AGPAT3: variants seen among roughly 807,000 people sequenced by gnomAD.
AGPAT3 encodes 1-acyl-sn-glycerol-3-phosphate acyltransferase gamma.
A neutral mutation model predicts 47.3 loss-of-function variants in AGPAT3; 5 were observed. The ratio of observed to expected loss-of-function variants is 0.11; its 90% CI spans 0.06 to 0.22. AGPAT3 has a LOEUF of 0.22. Ranked by LOEUF, AGPAT3 falls within the 10% of genes least tolerant of loss-of-function variation. The probability of loss-of-function intolerance (pLI) is 1.00; values close to 1 mark genes in which losing one functional copy is unlikely to be tolerated. For missense variants in AGPAT3, 315 were observed against 493.0 expected (o/e 0.64, Z 3.42); for synonymous variants, 212 against 208.3 (o/e 1.02, Z -0.15).
chr21:43,975,519 G>A (rs1320686867), intron 7 of AGPAT3, among the ~76,000 whole-genome samples: 1 of 152,146 alleles, frequency 6.6e-6, no homozygotes, highest in Admixed American at 6.5e-5. Flanking sequence ...CAAAGCTTTG[G>A]GTTCCTCAGT....
chr21:43,972,195 C>A (rs1215340420), intron 7 of AGPAT3, among the ~76,000 whole-genome samples: 1 of 152,034 alleles, frequency 6.6e-6, no homozygotes, highest in Non-Finnish European at 1.5e-5. Context: ...CCCAGGCTGG[C>A]ATGCAGTGGC....
intron 1 of AGPAT3, among the ~76,000 whole-genome samples, chr21:43,887,821 CTT>C (rs1388156828): frequency 2.0e-5 from 3 of 152,054 alleles, no homozygotes; most frequent in African/African-American, 7.2e-5. Context: ...CACCCACTGA[CTT>C]TTGTATTTTT....
rs539553469 is a variant in AGPAT3, at chr21:43,982,192, G to A, written c.1043-112G>A. 37 of 763,838 alleles carry A rather than the reference G, an allele frequency of 4.8e-5. No homozygotes were observed. The East Asian group carries it at 5.8e-4, about 12-fold the overall frequency. 47.3% of individuals were successfully genotyped at this position (763,838 alleles called of 1,614,324 possible). A position where few individuals can be genotyped will look rare whatever the true frequency, so the allele number is the denominator to read the frequency against. ...ACTGACAGCAGAGGCCACTGGGTGC[G>A]GGGCAGAGGGACAGGGTCTGGGGCA... On this transcript the variant is annotated intron_variant, in intron 9 of 9. Transcript: ENST00000291572. This position sits in a 1 kb window ranked among gnomAD's most constrained non-coding sequence, Gnocchi z 6.2.
At position 43,930,825 on chromosome 21, in the gene AGPAT3, G is replaced by A. The variant is rs1027274330; in HGVS notation, c.-49+26806G>A. On this transcript the variant is annotated intron_variant, in intron 2 of 9. Transcript: ENST00000291572. The surrounding 1 kb of genome is among the most constrained non-coding windows in gnomAD (Gnocchi z 5.0). ...GTGGCCCACGGCAGGCCAGTGTGCGGTCCTCAAGCTGCTGGTGACAAACGC... is the reference window on the plus strand; with the variant it reads ...GTGGCCCACGGCAGGCCAGTGTGCGATCCTCAAGCTGCTGGTGACAAACGC... 6.6e-6 allele frequency among the ~76,000 whole-genome samples: 1 copy of A among 152,150 alleles called. No homozygotes were observed. The highest frequency in any genetic ancestry group is 6.5e-5 in the Admixed American group (1 of 15,284).
At position 43,934,541 on chromosome 21, in the gene AGPAT3, C is replaced by A. The variant is rs2146305809; in HGVS notation, c.-48-25093C>A. Reference sequence around the variant, plus strand: ...CGGGAAAGGACCTGGAAGAAAAGAACTGTTTCCTTTAGGCCCCGTGGGGTA... The same window carrying A: ...CGGGAAAGGACCTGGAAGAAAAGAAATGTTTCCTTTAGGCCCCGTGGGGTA... On this transcript the variant is annotated intron_variant, in intron 2 of 9. Transcript: ENST00000291572. The surrounding 1 kb of genome is among the most constrained non-coding windows in gnomAD (Gnocchi z 4.7). Among the ~76,000 whole-genome samples the A allele has an allele frequency of 6.6e-6, 1 of 152,358 alleles. No homozygotes were observed. Among genetic ancestry groups the A allele is most frequent in the East Asian group, 1.9e-4 (1 of 5,192 alleles).
At chr21:43,903,022 C>T (rs1025808280) in intron 1 of AGPAT3, among the ~76,000 whole-genome samples, 5 of 152,088 alleles carry the variant, frequency 3.3e-5, no homozygotes, top group African/African-American at 7.2e-5. Context: ...GAATTTGTAG[C>T]TGGGGGACAC....
At chr21:43,914,697 C>T (rs1038831188) in intron 2 of AGPAT3, among the ~76,000 whole-genome samples, 10 of 151,944 alleles carry the variant, frequency 6.6e-5, no homozygotes, top group Non-Finnish European at 8.8e-5. Context: ...TGCCCCACCA[C>T]GCCCAACTAA....
chr21:43,876,853 T>A (rs922286176), intron 1 of AGPAT3, among the ~76,000 whole-genome samples: 1 of 152,048 alleles, frequency 6.6e-6, no homozygotes, highest in African/African-American at 2.4e-5. Context: ...TTTTGTTTTT[T>A]GTTTGTTTTA....
At chr21:43,911,440 C>T (rs886399214) in intron 2 of AGPAT3, among the ~76,000 whole-genome samples, 3 of 152,248 alleles carry the variant, frequency 2.0e-5, no homozygotes, top group Non-Finnish European at 4.4e-5. Context: ...CTGTCCAGGC[C>T]AACGCAGCGA....
chr21:43,902,068 C>T (rs934955321), intron 1 of AGPAT3, among the ~76,000 whole-genome samples: 3 of 152,130 alleles, frequency 2.0e-5, no homozygotes. Context: ...AGAAGCTCAA[C>T]AAATCTCAAA....
Position 43,869,177 on chromosome 21 carries a change from G to A in AGPAT3, c.-112+3832G>A, listed in dbSNP as rs144427160. 8.8e-4 allele frequency among the ~76,000 whole-genome samples: 134 copies of A among 152,286 alleles called. 2 individuals carry two copies. Among genetic ancestry groups the A allele is most frequent in the Admixed American group, 3.8e-3 (58 of 15,300 alleles). On this transcript the variant is annotated intron_variant, in intron 1 of 9. Transcript: ENST00000291572. ...CAAGAAGAAAATTAATTCAATTGAC[G>A]TAAATTCATCTATGCTCAGCTTTTT...
Position 43,908,731 on chromosome 21 carries a change from C to A in AGPAT3, c.-49+4712C>A, listed in dbSNP as rs951675497. Among the ~76,000 whole-genome samples, 1 of 152,230 alleles carries A rather than the reference C, an allele frequency of 6.6e-6. No homozygotes were observed. Among genetic ancestry groups the A allele is most frequent in the Non-Finnish European group, 1.5e-5 (1 of 68,040 alleles). On this transcript the variant is annotated intron_variant, in intron 2 of 9. Transcript: ENST00000291572. This position sits in a 1 kb window ranked among gnomAD's most constrained non-coding sequence, Gnocchi z 4.9. ...AAAGGCTAATTGCAGAGGATGCTCA[C>A]TGATGAGGGCGAGGATCAAAGCCCG...
In AGPAT3 at chr21:43,955,368, T is replaced by A; in HGVS notation, c.-48-4266T>A. 1 of 443,334 alleles carries A rather than the reference T, an allele frequency of 2.3e-6. No individual in the cohort carries two copies. The highest frequency in any genetic ancestry group is 3.4e-6 in the Non-Finnish European group (1 of 296,650). 27.5% of individuals were successfully genotyped at this position (443,334 alleles called of 1,614,324 possible). A position where few individuals can be genotyped will look rare whatever the true frequency, so the allele number is the denominator to read the frequency against. ...AGGCGGCTTAGCTTGTCAACACCCA[T>A]AACGCTATGCACGGACACTCGGCAA... On this transcript the variant is annotated intron_variant, in intron 2 of 9. Transcript: ENST00000291572. This position sits in a 1 kb window ranked among gnomAD's most constrained non-coding sequence, Gnocchi z 4.1.
In AGPAT3 at chr21:43,959,087, T is replaced by TGTGGCATGTGTGTGGTTTGCG. The variant is rs1555909858; in HGVS notation, c.-48-544_-48-543insGCATGTGTGTGGTTTGCGGTG. 3.2e-4 allele frequency among the ~76,000 whole-genome samples: 42 copies of TGTGGCATGTGTGTGGTTTGCG among 130,598 alleles called. 1 individual carries two copies. Among genetic ancestry groups the TGTGGCATGTGTGTGGTTTGCG allele is most frequent in the African/African-American group, 1.2e-3 (39 of 33,862 alleles). The allele number at this position is 130,598 out of a possible 152,430, so 85.7% of individuals were successfully genotyped here. A position where few individuals can be genotyped will look rare whatever the true frequency, so the allele number is the denominator to read the frequency against. On this transcript the variant is annotated intron_variant, in intron 2 of 9. Coordinates refer to ENST00000291572, the MANE Select transcript of AGPAT3 (RefSeq NM_020132.5). Reference sequence around the variant, plus strand: ...TGCGTGGTGTGTGTGGTTTGTGGTGTGTGTGTGTCATGTGTGTGGTTTGCA... The same window carrying TGTGGCATGTGTGTGGTTTGCG: ...TGCGTGGTGTGTGTGGTTTGTGGTGTGTGGCATGTGTGTGGTTTGCGGTGTGTGTCATGTGTGTGGTTTGCA...
At chr21:43,919,360 T>G (rs1279723165) in intron 2 of AGPAT3, among the ~76,000 whole-genome samples, 1 of 152,212 alleles carries the variant, frequency 6.6e-6, no homozygotes, top group Non-Finnish European at 1.5e-5. Context: ...TTTTGCGTTC[T>G]CATAGCTTAG....
intron 1 of AGPAT3, among the ~76,000 whole-genome samples, chr21:43,891,913 G>A (rs1418087117): frequency 6.6e-6 from 1 of 152,066 alleles, no homozygotes; most frequent in Admixed American, 6.6e-5. Context: ...TTTCCGGAAG[G>A]TTTTCCATTT....
At chr21:43,950,538 C>T (rs1006339132) in intron 2 of AGPAT3, 15 of 152,230 alleles carry the variant, frequency 9.9e-5, no homozygotes, top group Admixed American at 4.6e-4. Context: ...CCAGACTTCT[C>T]AGATAATGTG....
At position 43,983,665 on chromosome 21, in the gene AGPAT3, A is replaced by G. The variant is rs11537798; in HGVS notation, c.*1273A>G. On this transcript the variant is annotated 3_prime_UTR_variant, in exon 10 of 10. Transcript: ENST00000291572. ...AGCGAGGGATGCTTCTCCCTACAGC[A>G]TGTCCACTCCCCCGGCATGGCCAGG... 0.074 allele frequency: 11,223 copies of G among 152,264 alleles called. 527 individuals are homozygous for G. The highest frequency in any genetic ancestry group is 0.1 in the Non-Finnish European group (6,978 of 68,014). 9.4% of individuals were successfully genotyped at this position (152,264 alleles called of 1,614,324 possible).
At position 43,955,055 on chromosome 21, in the gene AGPAT3, C is replaced by T. The variant is rs777841074; in HGVS notation, c.-48-4579C>T. 28 of 1,222,198 alleles carry T rather than the reference C, an allele frequency of 2.3e-5. No homozygotes were observed. Among genetic ancestry groups the T allele is most frequent in the Middle Eastern group, 5.1e-4 (2 of 3,918 alleles). 75.7% of individuals were successfully genotyped at this position (1,222,198 alleles called of 1,614,324 possible). On this transcript the variant is annotated intron_variant, in intron 2 of 9. Transcript: ENST00000291572. This position sits in a 1 kb window ranked among gnomAD's most constrained non-coding sequence, Gnocchi z 4.1. ...ATGTGCATCACGGCTCTATCTGTGG[C>T]CCCCAAAGGCTGGGTGCCAGCTGCC...
Sources: allele counts gnomAD v4.1 joint callset (sites outside exome capture counted in the v4.1 genomes callset), GRCh38; gene constraint gnomAD v4.1.1; non-coding constraint Gnocchi (gnomAD v3.1); transcripts MANE v1.5; gene names NCBI Gene and HGNC (gene_info 2026-07-23, HGNC 2026-07-21).